ZNF536: variants seen among roughly 807,000 people sequenced by gnomAD.
ZNF536 encodes zinc finger protein 536.
A neutral mutation model predicts 84.5 loss-of-function variants in ZNF536; 13 were observed. The observed-to-expected ratio is 0.15, with a 90% CI of 0.10 to 0.24. ZNF536 has a LOEUF of 0.24. ZNF536 is among the 10% of genes least tolerant of loss of function. The pLI, the probability that ZNF536 is intolerant of heterozygous loss-of-function variation, is 1.00. For synonymous variants in ZNF536, 811 were observed against 742.5 expected (o/e 1.09, Z -1.50); for missense variants, 1,536 against 1,747.5 (o/e 0.88, Z 2.16).
chr19:30,441,083 A>C (rs957558082), intron 1 of ZNF536, among the ~76,000 whole-genome samples: 2 of 152,208 alleles, frequency 1.3e-5, no homozygotes, highest in African/African-American at 4.8e-5. Flanking sequence ...CCCCTCATCC[A>C]AGCTGATTTG....
chr19:30,707,228 C>T (rs555085157), intron 1 of ZNF536, among the ~76,000 whole-genome samples: 12 of 152,276 alleles, frequency 7.9e-5, no homozygotes, highest in Admixed American at 1.3e-4. Flanking sequence ...CATTAAGGTA[C>T]GGAGAATGGG....
chr19:30,347,335 C>G (rs947163256), intron 2 of ZNF536, among the ~76,000 whole-genome samples: 2 of 152,174 alleles, frequency 1.3e-5, no homozygotes, highest in African/African-American at 4.8e-5. Flanking sequence ...GAGGGTTCCT[C>G]TGGTCTAGCC....
At chr19:30,293,409 T>A (rs1385861977) in intron 2 of ZNF536, among the ~76,000 whole-genome samples, 1 of 152,196 alleles carries the variant, frequency 6.6e-6, no homozygotes, top group African/African-American at 2.4e-5. Context: ...CACCCATCAG[T>A]CCCAAGTACT....
chr19:30,368,303 C>A (rs139581197), upstream of ZNF536, among the ~76,000 whole-genome samples: 1 of 152,210 alleles, frequency 6.6e-6, no homozygotes, highest in East Asian at 1.9e-4. Context: ...TTGACCATAT[C>A]TTTCCTCTCA....
chr19:30,398,526 C>A (rs542837632), intron 1 of ZNF536, among the ~76,000 whole-genome samples: 2 of 152,102 alleles, frequency 1.3e-5, no homozygotes, highest in African/African-American at 4.8e-5. Context: ...TCTCCTAATG[C>A]TATCCCTCCC....
intron 2 of ZNF536, among the ~76,000 whole-genome samples, chr19:30,449,853 C>T (rs1316484275): frequency 2.0e-5 from 3 of 152,196 alleles, no homozygotes; most frequent in Non-Finnish European, 4.4e-5. Context: ...TTGACCACAG[C>T]ATCAAAGGCC....
chr19:30,505,160 G>T (rs1434323195), intron 2 of ZNF536, among the ~76,000 whole-genome samples: 1 of 150,776 alleles, frequency 6.6e-6, no homozygotes, highest in African/African-American at 2.4e-5. Context: ...ATAAGTGTCT[G>T]CCCATTGTTT....
intron 2 of ZNF536, among the ~76,000 whole-genome samples, chr19:30,284,786 C>T (rs879566779): frequency 1.3e-5 from 2 of 152,216 alleles, no homozygotes; most frequent in Non-Finnish European, 2.9e-5. Flanking sequence ...CCTGACCACA[C>T]GTCTCAGAGG....
chr19:30,230,971 CTTTTT>C (rs58301646), intron 1 of ZNF536, among the ~76,000 whole-genome samples: 1 of 145,314 alleles, frequency 6.9e-6, no homozygotes, highest in East Asian at 2.1e-4. Context: ...TATAGATGAA[CTTTTT>C]TTTTTTTTTT....
intron 2 of ZNF536, among the ~76,000 whole-genome samples, chr19:30,490,455 A>G (rs1010039119): frequency 2.6e-5 from 4 of 152,270 alleles, no homozygotes; most frequent in African/African-American, 9.6e-5. Flanking sequence ...TGAGGAGGAA[A>G]GGGGCCAGCT....
chr19:30,434,611 G>T (rs1050005059), intron 1 of ZNF536, among the ~76,000 whole-genome samples: 1 of 152,190 alleles, frequency 6.6e-6, no homozygotes, highest in African/African-American at 2.4e-5. Flanking sequence ...ATTGTATAAG[G>T]CTAACATGAG....
intron 4 of ZNF536, among the ~76,000 whole-genome samples, chr19:30,552,971 G>A (rs2045837670): frequency 1.3e-5 from 2 of 152,200 alleles, no homozygotes; most frequent in African/African-American, 2.4e-5. Context: ...CCCACTAGGG[G>A]TCTGATCTCA....
chr19:30,584,034 C>T (rs1021074349), intron 1 of ZNF536, among the ~76,000 whole-genome samples: 1 of 152,164 alleles, frequency 6.6e-6, no homozygotes, highest in Non-Finnish European at 1.5e-5. Context: ...CTAGAATCAA[C>T]AGTCAGCCCT....
At chr19:30,640,130 C>G (rs1226778336) in intron 1 of ZNF536, among the ~76,000 whole-genome samples, 2 of 152,050 alleles carry the variant, frequency 1.3e-5, no homozygotes, top group Admixed American at 6.6e-5. Flanking sequence ...GCCTGTAGTC[C>G]CAGCTACTTG....
At chr19:30,479,590 G>A (rs1287392315) in intron 2 of ZNF536, among the ~76,000 whole-genome samples, 3 of 152,208 alleles carry the variant, frequency 2.0e-5, no homozygotes, top group Non-Finnish European at 4.4e-5. Flanking sequence ...GGTGCTGTGA[G>A]GGATTCCTTC....
intron 1 of ZNF536, among the ~76,000 whole-genome samples, chr19:30,423,750 C>A (rs1433402094): frequency 1.3e-5 from 2 of 152,150 alleles, no homozygotes; most frequent in Non-Finnish European, 2.9e-5. Context: ...GGGCTCCCTC[C>A]CGGGGGCTTC....
intron 1 of ZNF536, among the ~76,000 whole-genome samples, chr19:30,683,581 G>A (rs987012768): frequency 4.0e-5 from 6 of 151,514 alleles, no homozygotes; most frequent in Non-Finnish European, 7.4e-5. Flanking sequence ...TCCCTCTGAT[G>A]GTTTCTGCCT....
intron 1 of ZNF536, among the ~76,000 whole-genome samples, chr19:30,404,952 G>A (rs780118413): frequency 7.9e-5 from 12 of 152,246 alleles, no homozygotes; most frequent in South Asian, 2.1e-4. Flanking sequence ...TTAATTTGCC[G>A]GAGCAGCTCA....
chr19:30,501,233 T>G (rs1399860579), intron 2 of ZNF536, among the ~76,000 whole-genome samples: 1 of 152,198 alleles, frequency 6.6e-6, no homozygotes, highest in Non-Finnish European at 1.5e-5. Context: ...TCTTGTCTCA[T>G]GCCCTCCATG....
Sources: allele counts gnomAD v4.1 joint callset (sites outside exome capture counted in the v4.1 genomes callset), GRCh38; gene constraint gnomAD v4.1.1; transcripts MANE v1.5; gene names NCBI Gene and HGNC (gene_info 2026-07-23, HGNC 2026-07-21).